Variants in UTP25 observed in about 807,000 individuals in gnomAD.
The protein encoded by UTP25 is UTP25 small subunit processome component.
A neutral mutation model predicts 78.9 loss-of-function variants in UTP25; 50 were observed. The observed-to-expected ratio is 0.63, with a 90% CI of 0.50 to 0.80. The LOEUF (loss-of-function observed/expected upper bound fraction) is 0.80, where lower values mean the gene tolerates loss of function less well. Among genes scored for constraint, UTP25 ranks in the 30% least tolerant of loss-of-function variants. UTP25 has a pLI of 0.00. For synonymous variants in UTP25, 329 were observed against 336.5 expected (o/e 0.98, Z 0.24); for missense variants, 846 against 911.3 (o/e 0.93, Z 0.92).
chr1:209,851,061 C>T (rs1295538143), intron 11 of UTP25, 143 bp from the exon 12 acceptor site: 1 of 852,638 alleles, frequency 1.2e-6, no homozygotes, highest in Non-Finnish European at 1.7e-6. Flanking sequence ...GTTAGAATAA[C>T]TTTTGTTCTG....
Position 209,828,031 on chromosome 1 carries a change from C to CT in UTP25, c.-32dup. 6.4e-7 allele frequency: 1 copy of CT among 1,573,436 alleles called. No individual in the cohort carries two copies. On this transcript the variant is annotated 5_prime_UTR_variant, in exon 1 of 12. Coordinates refer to ENST00000491415, the MANE Select transcript of UTP25 (RefSeq NM_014388.7). ...ACAACTTCCTGGTGGAAAACCGCGA[C>CT]TCTTGCAAGTGGGCAAACTTGACGT...
chr1:209,829,223 C>A (rs1349097614), intron 1 of UTP25, among the ~76,000 whole-genome samples: 2 of 152,170 alleles, frequency 1.3e-5, no homozygotes, highest in Non-Finnish European at 2.9e-5. Flanking sequence ...CAATTCTTTG[C>A]GTTGGGAACA....
rs575997591 is a variant in UTP25, at chr1:209,851,397, A to G, written c.2221A>G (p.Met741Val). The change falls in exon 12 of 12, where the codon ATG becomes GTG. Residue 741 changes from methionine (M) to valine (V), a missense_variant. Physicochemically the swap from Met to Val is conservative, Grantham distance 21 (BLOSUM62 1). Coordinates refer to ENST00000491415, the MANE Select transcript of UTP25 (RefSeq NM_014388.7). ...GGTTGGTGTGGAGCGGGCGGCACAG[A>G]TGCTACAGTCCAACAAGAATGTCCA... ...AVVGVERAAQ[M>V]LQSNKNVHLF... is the part of the protein sequence containing the mutation. 1.9e-6 allele frequency: 3 copies of G among 1,613,624 alleles called. No homozygotes were observed. The highest frequency in any genetic ancestry group is 2.2e-5 in the East Asian group (1 of 44,888).
At position 209,855,458 on chromosome 1, in the gene UTP25, TCAAA is replaced by T. The variant is rs574160632; in HGVS notation, c.*4017_*4020del. 11 of 152,374 alleles carry T rather than the reference TCAAA, an allele frequency of 7.2e-5. No individual in the cohort carries two copies. The South Asian group carries it at 2.1e-3, about 29-fold the overall frequency. The allele number at this position is 152,374 out of a possible 1,614,324, so 9.4% of individuals were successfully genotyped here. The stretch of plus-strand genomic sequence containing the variant: ...GAAAGAACAGAGCTCCAGGCCTTTT[TCAAA>T]CAAACTGGTTTTCTCAGTATAGCCC... On this transcript the variant is annotated 3_prime_UTR_variant, in exon 12 of 12. Transcript: ENST00000491415.
At position 209,842,940 on chromosome 1, in the gene UTP25, C is replaced by T. The variant is rs2078175913; in HGVS notation, c.1781+245C>T. ...TACTATAAATCAGGACTCTTTCACTCTTGACTGTGGCATTTTAAAATTATA... is the reference window on the plus strand; with the variant it reads ...TACTATAAATCAGGACTCTTTCACTTTTGACTGTGGCATTTTAAAATTATA... On this transcript the variant is annotated intron_variant, in intron 10 of 11. Transcript: ENST00000491415. The T allele has an allele frequency of 6.2e-6, 3 of 484,780 alleles. No individual in the cohort carries two copies. The South Asian group carries it at 8.9e-5, about 14-fold the overall frequency. 30.0% of individuals were successfully genotyped at this position (484,780 alleles called of 1,614,324 possible). A position where few individuals can be genotyped will look rare whatever the true frequency, so the allele number is the denominator to read the frequency against.
Position 209,842,310 on chromosome 1 carries a change from G to A in UTP25, c.1531G>A (p.Val511Ile), listed in dbSNP as rs772534241. Residue 511 changes from valine to isoleucine, a missense_variant, in exon 9 of 12, where the codon GTA (valine) becomes ATA (isoleucine). By Grantham distance (29) the Val-to-Ile change is conservative. Coordinates refer to ENST00000491415, the MANE Select transcript of UTP25 (RefSeq NM_014388.7). ...CCTACTACCCCTGGACTCACATGGG[G>A]TAGACTTTTCTCGAGTGCGGATGTG... ...MNLLPLDSHGVDFSRVRMWSL... is the reference protein window; with the variant it reads ...MNLLPLDSHGIDFSRVRMWSL... 2 of 1,614,020 alleles carry A rather than the reference G, an allele frequency of 1.2e-6. No individual in the cohort carries two copies. Among genetic ancestry groups the A allele is most frequent in the Middle Eastern group, 1.7e-4 (1 of 5,998 alleles).
chr1:209,833,746 G>T (rs2078116696), intron 4 of UTP25, among the ~76,000 whole-genome samples: 1 of 152,208 alleles, frequency 6.6e-6, no homozygotes, highest in Admixed American at 6.5e-5. Flanking sequence ...AGACCCAGGG[G>T]TGGCTAATCT....
Position 209,851,382 on chromosome 1 carries a change from G to C in UTP25, c.2206G>C (p.Glu736Gln). 6.2e-7 allele frequency: 1 copy of C among 1,614,190 alleles called. No homozygotes were observed. Among genetic ancestry groups the C allele is most frequent in the Non-Finnish European group, 8.5e-7 (1 of 1,180,030 alleles). The change falls in exon 12 of 12, where the codon GAG becomes CAG. Residue 736 changes from glutamate to glutamine, a missense_variant. Coordinates refer to ENST00000491415, the MANE Select transcript of UTP25 (RefSeq NM_014388.7). Reference sequence around the variant, plus strand: ...GAGGTTAGCTGCCGTGGTTGGTGTGGAGCGGGCGGCACAGATGCTACAGTC... The same window carrying C: ...GAGGTTAGCTGCCGTGGTTGGTGTGCAGCGGGCGGCACAGATGCTACAGTC... The part of the protein sequence containing the change: ...AQRLAAVVGV[E>Q]RAAQMLQSNK...
intron 1 of UTP25, among the ~76,000 whole-genome samples, chr1:209,829,877 G>A (rs2078093368): frequency 6.6e-6 from 1 of 152,162 alleles, no homozygotes; most frequent in African/African-American, 2.4e-5. Flanking sequence ...TTGGATGAGA[G>A]CCTTGTGTGA....
rs1571997396 is a variant in UTP25, at chr1:209,828,119, A to G, written c.56A>G (p.Lys19Arg). The change falls in exon 1 of 12, where the codon AAG becomes AGG. Residue 19 changes from lysine to arginine, a missense_variant. Coordinates refer to ENST00000491415, the MANE Select transcript of UTP25 (RefSeq NM_014388.7). ...QSQLLNTLTKKQKKHLRDFGE... is the reference protein window; with the variant it reads ...QSQLLNTLTKRQKKHLRDFGE... ...CAGCTACTCAACACCCTAACTAAAA[A>G]GCAGAAGAAACATCTTCGAGATTTC... The G allele has an allele frequency of 6.2e-7, 1 of 1,614,180 alleles. No individual in the cohort carries two copies. The highest frequency in any genetic ancestry group is 8.5e-7 in the Non-Finnish European group (1 of 1,180,020).
Position 209,840,881 on chromosome 1 carries a change from ACT to A in UTP25, c.1314_1315del (p.Tyr439CysfsTer31). On this transcript the variant is annotated frameshift_variant, in exon 8 of 12. Transcript: ENST00000491415. LOFTEE classifies it high-confidence loss of function. ...TGGCAATACTTCAGAGAAGCATCCG[ACT>A]CTATGCCCCGTTTTACTCCTCGGAT... ...GVAILQRSIRLYAPFYSSDIL... is the reference protein window; with the variant it reads ...GVAILQRSIRXYAPFYSSDIL... 6.2e-7 allele frequency: 1 copy of A among 1,612,330 alleles called. No homozygotes were observed. The highest frequency in any genetic ancestry group is 1.1e-5 in the South Asian group (1 of 91,004).
intron 8 of UTP25, among the ~76,000 whole-genome samples, chr1:209,841,407 C>T (rs684083): frequency 0.36 from 54,068 of 152,062 alleles, 10,049 homozygotes; most frequent in Middle Eastern, 0.42. Context: ...CTTTACCTAA[C>T]ATAATCCCAC....
chr1:209,841,839 G>A (rs2078168444), intron 8 of UTP25, among the ~76,000 whole-genome samples: 1 of 152,184 alleles, frequency 6.6e-6, no homozygotes, highest in South Asian at 2.1e-4. Flanking sequence ...GCATAGTCGA[G>A]TTATATTCTT....
chr1:209,828,172 T>G lies in UTP25; in HGVS notation c.107+2T>G, dbSNP rs2078079322. 1.1e-5 allele frequency: 17 copies of G among 1,610,794 alleles called. No homozygotes were observed. The highest frequency in any genetic ancestry group is 1.4e-5 in the Non-Finnish European group (17 of 1,177,028). ...CGAGGAGCATCCCTTCTATGACAGG[T>G]CTGAAGGGGCGTGGCAGGGCTCCCC... On this transcript the variant is annotated splice_donor_variant, in intron 1 of 11. Coordinates refer to ENST00000491415, the MANE Select transcript of UTP25 (RefSeq NM_014388.7). LOFTEE classifies it high-confidence loss of function.
Position 209,851,636 on chromosome 1 carries a change from T to A in UTP25, c.*189T>A. The A allele has an allele frequency of 1.5e-6, 1 of 685,170 alleles. No homozygotes were observed. The highest frequency in any genetic ancestry group is 2.2e-6 in the Non-Finnish European group (1 of 463,740). The allele number at this position is 685,170 out of a possible 1,614,324, so 42.4% of individuals were successfully genotyped here. ...TGAAAAGTTAAATGTAAACCAGATTTTGGTAAATCCCATCTTTCAGAAGTG... is the reference window on the plus strand; with the variant it reads ...TGAAAAGTTAAATGTAAACCAGATTATGGTAAATCCCATCTTTCAGAAGTG... On this transcript the variant is annotated 3_prime_UTR_variant, in exon 12 of 12. Transcript: ENST00000491415.
Position 209,840,958 on chromosome 1 carries a change from G to A in UTP25, c.1388G>A (p.Gly463Glu). ...LGLRTIIGGEGEKKRDFDFLS... is the reference protein window; with the variant it reads ...LGLRTIIGGEEEKKRDFDFLS... ...TTGAGGACCATCATTGGTGGAGAAG[G>A]AGAGAAGAAGAGAGATTTTGACTTT... The change falls in exon 8 of 12, where the codon GGA (glycine) becomes GAA (glutamate). Residue 463 changes from glycine (G) to glutamate (E), a missense_variant. Physicochemically the swap from Gly to Glu is moderately conservative, Grantham distance 98 (BLOSUM62 -2). Coordinates refer to ENST00000491415, the MANE Select transcript of UTP25 (RefSeq NM_014388.7). The A allele has an allele frequency of 1.9e-6, 3 of 1,614,080 alleles. No homozygotes were observed. Among genetic ancestry groups the A allele is most frequent in the South Asian group, 2.2e-5 (2 of 91,082 alleles).
At chr1:209,842,854 A>C in intron 10 of UTP25, 159 bp downstream of exon 10, 1 of 620,742 alleles carries the variant, frequency 1.6e-6, no homozygotes, top group Non-Finnish European at 2.8e-6. Flanking sequence ...GAGGAAACTG[A>C]AGCACAGAGA....
chr1:209,837,260 C>T, intron 6 of UTP25, 49 bp downstream of exon 6: 5 of 1,580,008 alleles, frequency 3.2e-6, no homozygotes, highest in Non-Finnish European at 4.3e-6. Context: ...CTGCAAGGCA[C>T]TGCCATAGAG....
Position 209,843,812 on chromosome 1 carries a change from A to G in UTP25, c.2027+116A>G, listed in dbSNP as rs931973359. On this transcript the variant is annotated intron_variant, in intron 11 of 11. Transcript: ENST00000491415. ...TGTTGAGATCATCCCTCACTCTCGC[A>G]CTCTTACAAAGTAGCCAGAGAGTTT... The G allele has an allele frequency of 5.8e-6, 8 of 1,374,708 alleles. No homozygotes were observed. In the African/African-American group the frequency reaches 8.7e-5, roughly 15 times the overall value. 85.2% of individuals were successfully genotyped at this position (1,374,708 alleles called of 1,614,324 possible).
Sources: allele counts gnomAD v4.1 joint callset (sites outside exome capture counted in the v4.1 genomes callset), GRCh38; gene constraint gnomAD v4.1.1; transcripts MANE v1.5; gene names NCBI Gene and HGNC (gene_info 2026-07-23, HGNC 2026-07-21).